Variants in NRCAM observed in about 807,000 individuals in gnomAD.
NRCAM encodes neuronal cell adhesion molecule.
NRCAM carries 83 observed loss-of-function variants against 156.5 expected under a neutral mutation model. The ratio of observed to expected loss-of-function variants is 0.53; its 90% CI spans 0.44 to 0.64. NRCAM has a LOEUF of 0.64. Among genes scored for constraint, NRCAM ranks in the 30% least tolerant of loss-of-function variants. The pLI, the probability that NRCAM is intolerant of heterozygous loss-of-function variation, is 0.00. For synonymous variants in NRCAM, 538 were observed against 563.9 expected, an observed-to-expected ratio of 0.95 and a Z score of 0.65; for missense variants, 1,417 against 1,597.3, an observed-to-expected ratio of 0.89 and a Z score of 1.92.
intron 2 of NRCAM, among the ~76,000 whole-genome samples, chr7:108,398,293 C>T (rs1465202899): frequency 6.6e-6 from 1 of 152,204 alleles, no homozygotes; most frequent in Non-Finnish European, 1.5e-5. Flanking sequence ...CATTTTCCTA[C>T]TTCCCATGCC....
chr7:108,334,722 G>A (rs1442375224), intron 2 of NRCAM, among the ~76,000 whole-genome samples: 1 of 152,130 alleles, frequency 6.6e-6, no homozygotes, highest in Non-Finnish European at 1.5e-5. Context: ...GTGTGCCTGT[G>A]AGTAACCAGA....
chr7:108,200,433 A>C (rs562281011), intron 13 of NRCAM, among the ~76,000 whole-genome samples: 25 of 152,244 alleles, frequency 1.6e-4, no homozygotes, highest in African/African-American at 5.1e-4. Flanking sequence ...AGTGTACCTT[A>C]GGGCAGCCAT....
intron 3 of NRCAM, among the ~76,000 whole-genome samples, chr7:108,266,821 A>G (rs1408881822): frequency 6.6e-6 from 1 of 152,238 alleles, no homozygotes; most frequent in African/African-American, 2.4e-5. Context: ...GATTGAGGAC[A>G]AAGGAAAAAG....
At chr7:108,377,766 T>C (rs2099682288) in intron 2 of NRCAM, among the ~76,000 whole-genome samples, 1 of 152,044 alleles carries the variant, frequency 6.6e-6, no homozygotes, top group South Asian at 2.1e-4. Context: ...AGACTACACA[T>C]TCTGAAATCC....
At chr7:108,199,190 G>A (rs1429336264) in intron 13 of NRCAM, among the ~76,000 whole-genome samples, 1 of 152,120 alleles carries the variant, frequency 6.6e-6, no homozygotes, top group Non-Finnish European at 1.5e-5. Context: ...GGAAAAGGAT[G>A]TGCATCTAAG....
chr7:108,302,719 C>G (rs1458247483), intron 3 of NRCAM, among the ~76,000 whole-genome samples: 1 of 152,118 alleles, frequency 6.6e-6, no homozygotes, highest in African/African-American at 2.4e-5. Context: ...CAATAATTTC[C>G]TAACTGCTTT....
At chr7:108,372,004 T>C (rs948177030) in intron 2 of NRCAM, among the ~76,000 whole-genome samples, 1 of 152,172 alleles carries the variant, frequency 6.6e-6, no homozygotes, top group Non-Finnish European at 1.5e-5. Context: ...AGCATGGTAC[T>C]GGCATAAAGA....
chr7:108,448,191 T>TA (rs1846533058), intron 1 of NRCAM, among the ~76,000 whole-genome samples: 1 of 152,238 alleles, frequency 6.6e-6, no homozygotes, highest in African/African-American at 2.4e-5. Flanking sequence ...ACAAGGTATA[T>TA]ATCATGATTC....
intron 1 of NRCAM, among the ~76,000 whole-genome samples, chr7:108,435,127 G>A (rs565669175): frequency 2.6e-5 from 4 of 151,910 alleles, no homozygotes; most frequent in East Asian, 1.9e-4. Context: ...AATATGTTCC[G>A]AAACTAAAGA....
At chr7:108,264,940 C>A (rs184092465) in intron 3 of NRCAM, among the ~76,000 whole-genome samples, 2 of 152,166 alleles carry the variant, frequency 1.3e-5, no homozygotes, top group Non-Finnish European at 2.9e-5. Context: ...GGTCTCCAAC[C>A]GGACAGAAAA....
chr7:108,200,926 G>A (rs577152631), intron 13 of NRCAM, among the ~76,000 whole-genome samples: 1 of 152,252 alleles, frequency 6.6e-6, no homozygotes, highest in South Asian at 2.1e-4. Context: ...ATAAGTGGGA[G>A]CTAAGCTATG....
intron 19 of NRCAM, 33 bp from the exon 20 acceptor site, chr7:108,189,779 G>C: frequency 3.7e-6 from 3 of 805,002 alleles, no homozygotes; most frequent in Non-Finnish European, 4.3e-6. Flanking sequence ...TCATGGTCAC[G>C]CATCCATCTT....
chr7:108,455,853 G>A (rs1856692671), intron 1 of NRCAM, among the ~76,000 whole-genome samples: 1 of 152,150 alleles, frequency 6.6e-6, no homozygotes, highest in Non-Finnish European at 1.5e-5. Flanking sequence ...TGCCGGGCCC[G>A]CAGGCTCTCC....
intron 2 of NRCAM, among the ~76,000 whole-genome samples, chr7:108,373,856 A>G (rs142880073): frequency 1.3e-5 from 2 of 152,300 alleles, no homozygotes; most frequent in Non-Finnish European, 2.9e-5. Flanking sequence ...GGGAAGTGCC[A>G]TGGCAACCAC....
chr7:108,222,330 A>G (rs1287358018), intron 11 of NRCAM, among the ~76,000 whole-genome samples: 1 of 152,242 alleles, frequency 6.6e-6, no homozygotes, highest in Non-Finnish European at 1.5e-5. Context: ...TAAGTGATAG[A>G]GTCCCAATCT....
chr7:108,446,990 A>G (rs1349881806), intron 1 of NRCAM, among the ~76,000 whole-genome samples: 7 of 152,050 alleles, frequency 4.6e-5, no homozygotes, highest in Non-Finnish European at 1.0e-4. Context: ...CAGGCCTCCC[A>G]AAGTGCTGGG....
At chr7:108,386,319 T>C (rs886878809) in intron 2 of NRCAM, among the ~76,000 whole-genome samples, 4 of 152,180 alleles carry the variant, frequency 2.6e-5, no homozygotes, top group African/African-American at 9.7e-5. Flanking sequence ...TCTTAGGCAC[T>C]TCCTTTTATC....
At chr7:108,376,761 C>T (rs2099677410) in intron 2 of NRCAM, among the ~76,000 whole-genome samples, 1 of 152,164 alleles carries the variant, frequency 6.6e-6, no homozygotes, top group Non-Finnish European at 1.5e-5. Context: ...GCCTTAAACG[C>T]AAGCAAAAGT....
At position 108,176,583 on chromosome 7, in the gene NRCAM, G is replaced by T. The variant is rs369598783; in HGVS notation, c.2998C>A (p.Pro1000Thr). Residue 1000 changes from proline to threonine, a missense_variant, in exon 27 of 33, where the codon CCT becomes ACT. Physicochemically the swap from Pro to Thr is conservative, Grantham distance 38. This residue lies in a region of NRCAM where 1,238 missense variants were observed against 1,336.4 expected (regional missense o/e 0.93). Transcript: ENST00000379028. ...GCAGGAATTTTCAAATCTACCAGAGGGCCTAATTCATGTGTGCTGTTAACT... is the reference window on the plus strand; with the variant it reads ...GCAGGAATTTTCAAATCTACCAGAGTGCCTAATTCATGTGTGCTGTTAACT... ...QPINSTHELG[P>T]LVDLKIPANK... 25 of 1,613,184 alleles carry T rather than the reference G, an allele frequency of 1.5e-5. 1 individual carries two copies. The African/African-American group carries it at 2.7e-4, about 17-fold the overall frequency.
Sources: gnomAD v4.1 joint callset for allele counts (sites outside exome capture counted in the v4.1 genomes callset) on GRCh38, gnomAD v4.1.1 for gene constraint, gnomAD v4.1.1 regional missense constraint, MANE v1.5 for transcripts, NCBI Gene and HGNC (gene_info 2026-07-23, HGNC 2026-07-21) for gene names.